Variants in XYLT1 observed in about 807,000 individuals in gnomAD.
XYLT1 encodes beta-D-xylosyltransferase 1.
Under a neutral mutation model 91.3 loss-of-function variants are expected in XYLT1, and 36 were observed. The observed-to-expected ratio is 0.39, with a 90% CI of 0.30 to 0.52. The LOEUF (loss-of-function observed/expected upper bound fraction) is 0.52, where lower values mean the gene tolerates loss of function less well. Among genes scored for constraint, XYLT1 ranks in the 20% least tolerant of loss-of-function variants. XYLT1 has a pLI of 0.68. For synonymous variants in XYLT1, 588 were observed against 532.0 expected, an observed-to-expected ratio of 1.11 and a Z score of -1.45; for missense variants, 1,242 against 1,284.5, an observed-to-expected ratio of 0.97 and a Z score of 0.51.
chr16:17,432,958 G>C (rs911816987), intron 1 of XYLT1, among the ~76,000 whole-genome samples: 1 of 152,064 alleles, frequency 6.6e-6, no homozygotes, highest in Admixed American at 6.5e-5. Flanking sequence ...AGCATCACTC[G>C]GGCAGAGACG....
At chr16:17,422,573 G>C (rs1011008699) in intron 1 of XYLT1, among the ~76,000 whole-genome samples, 8 of 151,906 alleles carry the variant, frequency 5.3e-5, no homozygotes, top group Admixed American at 1.3e-4. Context: ...GCAGTAGTGC[G>C]ATCTTGGCTC....
intron 10 of XYLT1, among the ~76,000 whole-genome samples, chr16:17,125,217 A>T (rs2030216947): frequency 6.6e-6 from 1 of 152,146 alleles, no homozygotes; most frequent in Non-Finnish European, 1.5e-5. Context: ...CACCTCCTTC[A>T]AAGGCTCTAT....
intron 1 of XYLT1, among the ~76,000 whole-genome samples, chr16:17,451,352 G>C (rs774719301): frequency 6.6e-6 from 1 of 152,008 alleles, no homozygotes; most frequent in Non-Finnish European, 1.5e-5. Context: ...AATCCATGCC[G>C]GACTATCTTC....
chr16:17,226,641 G>A (rs1480916073), intron 3 of XYLT1, among the ~76,000 whole-genome samples: 2 of 152,118 alleles, frequency 1.3e-5, no homozygotes, highest in Non-Finnish European at 2.9e-5. Context: ...ACAAAAATTA[G>A]CCAGGTGTGG....
At chr16:17,463,130 A>G (rs1375907471) in intron 1 of XYLT1, among the ~76,000 whole-genome samples, 1 of 152,174 alleles carries the variant, frequency 6.6e-6, no homozygotes, top group Non-Finnish European at 1.5e-5. Context: ...AGACGACTAG[A>G]GAAAAAAACA....
intron 1 of XYLT1, among the ~76,000 whole-genome samples, chr16:17,454,134 A>G (rs760613757): frequency 6.6e-6 from 1 of 152,220 alleles, no homozygotes; most frequent in Admixed American, 6.5e-5. Context: ...CAATTGGTAA[A>G]AAAAAAGTAG....
Position 17,105,672 on chromosome 16 carries a change from C to T in XYLT1, c.*3023G>A, listed in dbSNP as rs577072468. On this transcript the variant is annotated 3_prime_UTR_variant, in exon 12 of 12. Transcript: ENST00000261381. ...CCACAAACCAATACCCCAAGGCCCA[C>T]CTGTCAGCCTTCCTGAGTTTCCAGG... 6.6e-6 allele frequency: 1 copy of T among 152,334 alleles called. No homozygotes were observed. The highest frequency in any genetic ancestry group is 6.5e-5 in the Admixed American group (1 of 15,302). The allele number at this position is 152,334 out of a possible 1,614,324, so 9.4% of individuals were successfully genotyped here.
intron 1 of XYLT1, among the ~76,000 whole-genome samples, chr16:17,386,382 C>T (rs7187505): frequency 2.6e-5 from 4 of 151,864 alleles, no homozygotes; most frequent in African/African-American, 4.8e-5. Context: ...GAGCTGGAGG[C>T]GGGGAGGTTA....
rs564063375 is a variant in XYLT1, at chr16:17,167,988, T to C, written c.1290-9079A>G. Among the ~76,000 whole-genome samples the C allele has an allele frequency of 6.6e-5, 10 of 152,324 alleles. No homozygotes were observed. The East Asian group carries it at 1.9e-3, about 29-fold the overall frequency. On this transcript the variant is annotated intron_variant, in intron 5 of 11. Transcript: ENST00000261381. ...GGTTTATGCAAGGACCTTACTGACATCTTCTCACCCACTGGAAAAATCAGG... is the reference window on the plus strand; with the variant it reads ...GGTTTATGCAAGGACCTTACTGACACCTTCTCACCCACTGGAAAAATCAGG...
intron 10 of XYLT1, among the ~76,000 whole-genome samples, chr16:17,123,182 A>G (rs2030135690): frequency 1.3e-5 from 2 of 152,196 alleles, no homozygotes; most frequent in South Asian, 4.1e-4. Context: ...GGTCATGGTC[A>G]CAATATTGAT....
intron 1 of XYLT1, among the ~76,000 whole-genome samples, chr16:17,359,862 A>G (rs921853715): frequency 6.6e-6 from 1 of 152,180 alleles, no homozygotes; most frequent in African/African-American, 2.4e-5. Flanking sequence ...CAGGTTTTGT[A>G]TCACTCGCAT....
In XYLT1 at chr16:17,470,921, C is replaced by CGCGGCG. The variant is rs374476024; in HGVS notation, c.-126_-125insCGCCGC. The CGCGGCG allele has an allele frequency of 3.3e-3, 9 of 2,758 alleles. No homozygotes were observed. Among genetic ancestry groups the CGCGGCG allele is most frequent in the African/African-American group, 4.8e-3 (2 of 414 alleles). The allele number at this position is 2,758 out of a possible 1,614,324, so 0.2% of individuals were successfully genotyped here. A position where few individuals can be genotyped will look rare whatever the true frequency, so the allele number is the denominator to read the frequency against. On this transcript the variant is annotated 5_prime_UTR_variant, in exon 1 of 12. Transcript: ENST00000261381. ...GCTCCCGCTCGGGCCGCCGCCGCCG[C>CGCGGCG]CCCCCTCCCCACACCCCTGTCCCCG...
In XYLT1 at chr16:17,138,538, G is replaced by C; in HGVS notation, c.1588-7C>G. 6.2e-7 allele frequency: 1 copy of C among 1,611,926 alleles called. No homozygotes were observed. ...GGACCGTATGGAAGAAGGACTGCAG[G>C]GGAGAGAGGGACCCAGCCTGAGACC... On this transcript the variant is annotated splice_region_variant and splice_polypyrimidine_tract_variant and intron_variant, in intron 7 of 11. Transcript: ENST00000261381.
intron 6 of XYLT1, among the ~76,000 whole-genome samples, chr16:17,149,615 C>T (rs888717539): frequency 6.6e-6 from 1 of 152,170 alleles, no homozygotes; most frequent in Admixed American, 6.5e-5. Context: ...TGAACAGGCT[C>T]ACACATCTCT....
Position 17,134,631 on chromosome 16 carries a change from A to C in XYLT1, c.1869T>G (p.Gly623=), listed in dbSNP as rs1237223965. The C allele has an allele frequency of 6.2e-7, 1 of 1,614,158 alleles. No individual in the cohort carries two copies. Among genetic ancestry groups the C allele is most frequent in the East Asian group, 2.2e-5 (1 of 44,878 alleles). Residue 623 remains glycine (G), a synonymous_variant, in exon 9 of 12, where the codon GGT becomes GGG. Transcript: ENST00000261381. ...DYYLYGNYPA[G]TPGLRSYWEN... ...CCCAGTAGGAGCGCAGGCCCGGGGTACCTGCAGGGTAGTTCCCGTACAGGT... is the reference window on the plus strand; with the variant it reads ...CCCAGTAGGAGCGCAGGCCCGGGGTCCCTGCAGGGTAGTTCCCGTACAGGT...
intron 5 of XYLT1, among the ~76,000 whole-genome samples, chr16:17,172,755 G>A (rs535381396): frequency 7.9e-4 from 121 of 152,292 alleles, no homozygotes; most frequent in African/African-American, 2.8e-3. Context: ...TAACAGGCGT[G>A]AGCCACCGCA....
At chr16:17,242,461 G>C (rs1391546738) in intron 3 of XYLT1, among the ~76,000 whole-genome samples, 1 of 152,160 alleles carries the variant, frequency 6.6e-6, no homozygotes, top group Non-Finnish European at 1.5e-5. Flanking sequence ...TACGACCCTA[G>C]AGTAAAGGTC....
chr16:17,379,490 C>A (rs2035643830), intron 1 of XYLT1, among the ~76,000 whole-genome samples: 1 of 152,148 alleles, frequency 6.6e-6, no homozygotes, highest in Admixed American at 6.5e-5. Context: ...AAAATGGGAA[C>A]CTGGCCCCCG....
intron 1 of XYLT1, among the ~76,000 whole-genome samples, chr16:17,385,808 T>G (rs1378365603): frequency 6.6e-6 from 1 of 152,092 alleles, no homozygotes; most frequent in Non-Finnish European, 1.5e-5. Context: ...ATGAAATTGA[T>G]TCTAAATCCA....
Sources: allele counts gnomAD v4.1 joint callset (sites outside exome capture counted in the v4.1 genomes callset), GRCh38; gene constraint gnomAD v4.1.1; transcripts MANE v1.5; gene names NCBI Gene and HGNC (gene_info 2026-07-23, HGNC 2026-07-21).